GLDC: variants seen among roughly 807,000 people sequenced by gnomAD.
GLDC encodes the protein glycine dehydrogenase (decarboxylating), mitochondrial.
GLDC carries 104 observed loss-of-function variants against 121.3 expected under a neutral mutation model. The observed-to-expected ratio is 0.86, with a 90% CI of 0.73 to 1.01. The LOEUF is 1.01. Among genes scored for constraint, GLDC ranks in the 50% least tolerant of loss-of-function variants. The probability of loss-of-function intolerance (pLI) is 0.00; values close to 1 mark genes in which losing one functional copy is unlikely to be tolerated. For missense variants in GLDC, 1,429 were observed against 1,306.6 expected (o/e 1.09, Z -1.44); for synonymous variants, 546 against 480.6 (o/e 1.14, Z -1.78).
intron 15 of GLDC, chr9:6,565,683 C>G (rs967392504): frequency 1.6e-6 from 1 of 606,736 alleles, no homozygotes; most frequent in Non-Finnish European, 2.9e-6. Flanking sequence ...TTTCTATATC[C>G]TTGCTCAGGA....
At chr9:6,628,967 C>T (rs1200907698) in intron 2 of GLDC, among the ~76,000 whole-genome samples, 2 of 151,946 alleles carry the variant, frequency 1.3e-5, no homozygotes, top group Non-Finnish European at 2.9e-5. Flanking sequence ...CCTAATGTAC[C>T]AAGAACAGAG....
At chr9:6,593,679 A>G (rs1818428104) in intron 9 of GLDC, among the ~76,000 whole-genome samples, 1 of 150,270 alleles carries the variant, frequency 6.7e-6, no homozygotes. Flanking sequence ...TGGATGAACC[A>G]TGATTTAATC....
chr9:6,589,058 G>A, intron 12 of GLDC, 137 bp downstream of exon 12: 1 of 737,300 alleles, frequency 1.4e-6, no homozygotes, highest in Non-Finnish European at 2.5e-6. Flanking sequence ...GGATCGTTAT[G>A]AGGATGAAAT....
Position 6,558,570 on chromosome 9 carries a change from G to T in GLDC, c.2041C>A (p.Leu681Ile), listed in dbSNP as rs753457618. Residue 681 changes from leucine (L) to isoleucine (I), a missense_variant, in exon 17 of 25, where the codon CTC (leucine) becomes ATC (isoleucine). Transcript: ENST00000321612. ...GAGAAGACAAGTACCATGGCCTTGAGGTGAACTGCATCGATATTCCCATAT... is the reference window on the plus strand; with the variant it reads ...GAGAAGACAAGTACCATGGCCTTGATGTGAACTGCATCGATATTCCCATAT... Reference protein sequence around the residue: ...DKYGNIDAVHLKAMVDKHKEN... With the variant: ...DKYGNIDAVHIKAMVDKHKEN... 1 of 1,614,186 alleles carries T rather than the reference G, an allele frequency of 6.2e-7. No homozygotes were observed. The highest frequency in any genetic ancestry group is 8.5e-7 in the Non-Finnish European group (1 of 1,180,026).
Position 6,605,449 on chromosome 9 carries a change from A to C in GLDC, c.714-171T>G. ...ACTTCAGTGGTAACTACATCACAGC[A>C]ACTCAAGCGCATCCAACAGCTCTGC... is the stretch of plus-strand genomic sequence containing the variant. On this transcript the variant is annotated intron_variant, in intron 5 of 24. Coordinates refer to ENST00000321612, the MANE Select transcript of GLDC (RefSeq NM_000170.3). 3 of 677,654 alleles carry C rather than the reference A, an allele frequency of 4.4e-6. No homozygotes were observed. The South Asian group carries it at 4.8e-5, about 11-fold the overall frequency. The allele number at this position is 677,654 out of a possible 1,614,324, so 42.0% of individuals were successfully genotyped here.
chr9:6,597,226 G>C (rs886494623), intron 8 of GLDC, among the ~76,000 whole-genome samples: 2 of 152,216 alleles, frequency 1.3e-5, no homozygotes, highest in African/African-American at 4.8e-5. Context: ...AGGGGAGAGG[G>C]ATGAGGAGTG....
Position 6,613,899 on chromosome 9 carries a change from C to A in GLDC, c.471-3543G>T, listed in dbSNP as rs1235725370. Among the ~76,000 whole-genome samples, 8 of 152,066 alleles carry A rather than the reference C, an allele frequency of 5.3e-5. No homozygotes were observed. The East Asian group carries it at 1.5e-3, about 29-fold the overall frequency. ...TCAAGCCATTCTCCTGCCTCAGCCT[C>A]CTGAGTAGCTGGGATTACAGGTGCG... On this transcript the variant is annotated intron_variant, in intron 3 of 24. Transcript: ENST00000321612.
rs73639325 is a variant in GLDC, at chr9:6,534,705, T to C, written c.2919+3A>G. On this transcript the variant is annotated splice_donor_region_variant and intron_variant, in intron 24 of 24. Coordinates refer to ENST00000321612, the MANE Select transcript of GLDC (RefSeq NM_000170.3). ...CTGGCACATTCAGATTCAGAGAACT[T>C]ACGAGTGGGAATGCTGCCACCTCTC... 1,608 of 1,538,488 alleles carry C rather than the reference T, an allele frequency of 1.0e-3. 11 individuals carry two copies. The African/African-American group carries it at 0.019, about 18-fold the overall frequency.
At chr9:6,577,837 ATTCT>A in intron 15 of GLDC, among the ~76,000 whole-genome samples, 1 of 149,622 alleles carries the variant, frequency 6.7e-6, no homozygotes, top group East Asian at 2.0e-4. Context: ...TCGAATCCTG[ATTCT>A]TTCCTTCCTT....
chr9:6,637,389 G>C (rs1819526206), intron 2 of GLDC, among the ~76,000 whole-genome samples: 1 of 146,972 alleles, frequency 6.8e-6, no homozygotes, highest in Non-Finnish European at 1.5e-5. Context: ...TGGGGGATAA[G>C]AGCGAGACTT....
rs1350111324 is a variant in GLDC, at chr9:6,642,907, C to T, written c.334+1707G>A. On this transcript the variant is annotated intron_variant, in intron 2 of 24. Transcript: ENST00000321612. ...CTGATTTTTTCTTTTCTTCCTTTCTCTTTTTTTTTTAGACAGGGTCTCACT... is the reference window on the plus strand; with the variant it reads ...CTGATTTTTTCTTTTCTTCCTTTCTTTTTTTTTTTTAGACAGGGTCTCACT... Among the ~76,000 whole-genome samples, 4 of 148,380 alleles carry T rather than the reference C, an allele frequency of 2.7e-5. No homozygotes were observed. The East Asian group carries it at 7.9e-4, about 29-fold the overall frequency.
chr9:6,637,087 GT>G (rs529028383), intron 2 of GLDC, among the ~76,000 whole-genome samples: 135 of 144,360 alleles, frequency 9.4e-4, no homozygotes, highest in South Asian at 4.5e-3. Context: ...GGTTTTGTTT[GT>G]TTTTTTTTTT....
intron 21 of GLDC, among the ~76,000 whole-genome samples, chr9:6,546,742 A>C (rs921392328): frequency 6.6e-6 from 1 of 151,788 alleles, no homozygotes; most frequent in Admixed American, 6.6e-5. Context: ...TGGGAGGATC[A>C]CCTGAGGTCA....
At chr9:6,607,059 T>C (rs528997749) in intron 4 of GLDC, among the ~76,000 whole-genome samples, 94 of 151,450 alleles carry the variant, frequency 6.2e-4, no homozygotes, top group Middle Eastern at 3.4e-3. Context: ...CGAGCAAAAC[T>C]CTGTCTCAAA....
intron 8 of GLDC, 85 bp downstream of exon 8, chr9:6,602,024 T>G: frequency 1.1e-6 from 1 of 873,896 alleles, no homozygotes; most frequent in East Asian, 2.4e-5. Context: ...AGGTGGTGAA[T>G]AAATGAACAA....
intron 2 of GLDC, among the ~76,000 whole-genome samples, chr9:6,623,986 G>C (rs1233719270): frequency 1.3e-5 from 2 of 152,218 alleles, no homozygotes; most frequent in African/African-American, 2.4e-5. Context: ...CGTTGGTCCA[G>C]CTCTCCAATG....
At chr9:6,567,402 T>C (rs1219216770) in intron 15 of GLDC, 1 of 152,236 alleles carries the variant, frequency 6.6e-6, no homozygotes, top group Non-Finnish European at 1.5e-5. Flanking sequence ...TGTGCCTATG[T>C]GCCTGAGAGA....
intron 21 of GLDC, among the ~76,000 whole-genome samples, chr9:6,550,197 G>A (rs978972069): frequency 7.9e-5 from 12 of 152,192 alleles, no homozygotes; most frequent in African/African-American, 2.4e-4. Flanking sequence ...GCATATCATA[G>A]CACTTTGTAA....
intron 15 of GLDC, among the ~76,000 whole-genome samples, chr9:6,571,182 A>G (rs1817959669): frequency 6.6e-6 from 1 of 152,056 alleles, no homozygotes; most frequent in Admixed American, 6.6e-5. Context: ...TAAAAAAAAA[A>G]GAAAGAAACT....
Sources: allele counts gnomAD v4.1 joint callset (sites outside exome capture counted in the v4.1 genomes callset), GRCh38; gene constraint gnomAD v4.1.1; transcripts MANE v1.5; gene names NCBI Gene and HGNC (gene_info 2026-07-23, HGNC 2026-07-21).